BNC2: variants seen among roughly 807,000 people sequenced by gnomAD.
BNC2 encodes the protein basonuclin zinc finger protein 2.
Under a neutral mutation model 76.3 loss-of-function variants are expected in BNC2, and 20 were observed. The ratio of observed to expected loss-of-function variants is 0.26; its 90% confidence interval spans 0.18 to 0.38. BNC2 has a LOEUF of 0.38. BNC2 is among the 10% of genes least tolerant of loss of function. The pLI, the probability that BNC2 is intolerant of heterozygous loss-of-function variation, is 1.00. For missense variants in BNC2, 1,382 were observed against 1,399.8 expected (o/e 0.99, Z 0.20); for synonymous variants, 582 against 514.8 (o/e 1.13, Z -1.77).
chr9:16,664,295 T>A (rs1416240904), intron 3 of BNC2, among the ~76,000 whole-genome samples: 1 of 152,200 alleles, frequency 6.6e-6, no homozygotes, highest in East Asian at 1.9e-4. Flanking sequence ...CATCTACATA[T>A]TTTGTTGCTC....
At chr9:16,646,113 A>T in intron 3 of BNC2, among the ~76,000 whole-genome samples, 1 of 152,224 alleles carries the variant, frequency 6.6e-6, no homozygotes. Context: ...GAGGATAGCA[A>T]AAGTTTTAAG....
intron 6 of BNC2, chr9:16,434,896 G>A (rs918850732): frequency 2.2e-6 from 1 of 464,046 alleles, no homozygotes; most frequent in South Asian, 1.5e-5. Context: ...TTAAGATAAA[G>A]AAACCCACAC....
chr9:16,729,644 T>C (rs1224390576), intron 2 of BNC2, among the ~76,000 whole-genome samples: 2 of 152,206 alleles, frequency 1.3e-5, no homozygotes, highest in African/African-American at 4.8e-5. Flanking sequence ...AATTGTTGCC[T>C]TAAAATATAT....
At chr9:16,504,150 C>A (rs928356501) in intron 5 of BNC2, among the ~76,000 whole-genome samples, 2 of 151,680 alleles carry the variant, frequency 1.3e-5, no homozygotes, top group African/African-American at 2.4e-5. Context: ...TCCTCATCTG[C>A]GAAATAAGGA....
In BNC2 at chr9:16,538,474, T is replaced by A. The variant is rs567496289; in HGVS notation, c.669+14056A>T. ...CAGAGATCGTCTCGTTCTAAATGAG[T>A]GACTTCACAGGCAGTTTTTCTAAAA... On this transcript the variant is annotated intron_variant, in intron 5 of 6. Coordinates refer to ENST00000380672, the MANE Select transcript of BNC2 (RefSeq NM_017637.6). Among the ~76,000 whole-genome samples, 50 of 152,258 alleles carry A rather than the reference T, an allele frequency of 3.3e-4. 1 individual carries two copies. In the Middle Eastern group the frequency reaches 0.017, roughly 52 times the overall value.
At chr9:16,486,288 T>C (rs1411042050) in intron 5 of BNC2, among the ~76,000 whole-genome samples, 1 of 152,242 alleles carries the variant, frequency 6.6e-6, no homozygotes, top group Non-Finnish European at 1.5e-5. Context: ...TATTAAATTC[T>C]GGTCATTTCT....
At chr9:16,687,996 C>T (rs1006496109) in intron 3 of BNC2, among the ~76,000 whole-genome samples, 2 of 152,100 alleles carry the variant, frequency 1.3e-5, no homozygotes, top group Non-Finnish European at 2.9e-5. Context: ...GAAGTGGGTA[C>T]ATTTTCAAAC....
intron 1 of BNC2, among the ~76,000 whole-genome samples, chr9:16,754,718 C>T (rs1825329694): frequency 6.6e-6 from 1 of 152,102 alleles, no homozygotes; most frequent in Non-Finnish European, 1.5e-5. Context: ...CCACCATGCC[C>T]AGCTAATATT....
chr9:16,852,599 G>T (rs1819154047), intron 1 of BNC2, among the ~76,000 whole-genome samples: 1 of 152,124 alleles, frequency 6.6e-6, no homozygotes, highest in Admixed American at 6.5e-5. Context: ...ATGGTGGTGG[G>T]AAGATAAACT....
intron 1 of BNC2, among the ~76,000 whole-genome samples, chr9:16,799,569 C>A (rs1817733816): frequency 6.6e-6 from 1 of 152,214 alleles, no homozygotes. Flanking sequence ...CCCACCTTGG[C>A]ATCAGAAAGC....
At position 16,418,954 on chromosome 9, in the gene BNC2, G is replaced by T; in HGVS notation, c.*35C>A. On this transcript the variant is annotated 3_prime_UTR_variant, in exon 7 of 7. Coordinates refer to ENST00000380672, the MANE Select transcript of BNC2 (RefSeq NM_017637.6). Reference sequence around the variant, plus strand: ...GGCAGTTCAAACACGTAGGCCATCTGGTGAGAGCTGGCATTTGTAGTGTCC... The same window carrying T: ...GGCAGTTCAAACACGTAGGCCATCTTGTGAGAGCTGGCATTTGTAGTGTCC... 6.2e-7 allele frequency: 1 copy of T among 1,608,424 alleles called. No individual in the cohort carries two copies. The highest frequency in any genetic ancestry group is 1.7e-5 in the Admixed American group (1 of 59,986).
At chr9:16,821,035 C>G (rs1049153053) in intron 1 of BNC2, among the ~76,000 whole-genome samples, 3 of 151,888 alleles carry the variant, frequency 2.0e-5, no homozygotes, top group Non-Finnish European at 4.4e-5. Context: ...GAATTCGAGA[C>G]CAGCCTGGCC....
At chr9:16,723,564 C>T (rs147430428) in intron 3 of BNC2, among the ~76,000 whole-genome samples, 1 of 151,652 alleles carries the variant, frequency 6.6e-6, no homozygotes, top group East Asian at 1.9e-4. Flanking sequence ...GATTGTTGGC[C>T]TATATGAATA....
At chr9:16,555,414 TC>T (rs1818798015) in intron 4 of BNC2, among the ~76,000 whole-genome samples, 1 of 152,102 alleles carries the variant, frequency 6.6e-6, no homozygotes, top group African/African-American at 2.4e-5. Flanking sequence ...CAAAAATATT[TC>T]CCTAGATATG....
intron 1 of BNC2, among the ~76,000 whole-genome samples, chr9:16,744,431 T>G (rs1180794903): frequency 6.6e-6 from 1 of 152,194 alleles, no homozygotes; most frequent in African/African-American, 2.4e-5. Flanking sequence ...AGAAGACTGG[T>G]TTCTTGTATT....
At chr9:16,609,945 T>G (rs1245544785) in intron 3 of BNC2, among the ~76,000 whole-genome samples, 3 of 152,180 alleles carry the variant, frequency 2.0e-5, no homozygotes, top group Non-Finnish European at 4.4e-5. Flanking sequence ...TTGCTCTTAT[T>G]CTTCTCTGCC....
chr9:16,740,396 G>A (rs1206371602), intron 1 of BNC2, among the ~76,000 whole-genome samples: 1 of 152,172 alleles, frequency 6.6e-6, no homozygotes. Context: ...AGATGTGTTT[G>A]TACATTATTA....
At chr9:16,648,105 A>G (rs1821687250) in intron 3 of BNC2, among the ~76,000 whole-genome samples, 1 of 152,170 alleles carries the variant, frequency 6.6e-6, no homozygotes, top group Admixed American at 6.6e-5. Flanking sequence ...AAAAAGACAT[A>G]TGAAGTTTCT....
intron 5 of BNC2, among the ~76,000 whole-genome samples, chr9:16,531,789 G>C (rs187847885): frequency 1.3e-5 from 2 of 152,038 alleles, no homozygotes; most frequent in East Asian, 3.9e-4. Flanking sequence ...AATTTATCTA[G>C]AGATCTCCTG....
Sources: allele counts gnomAD v4.1 joint callset (sites outside exome capture counted in the v4.1 genomes callset), GRCh38; gene constraint gnomAD v4.1.1; transcripts MANE v1.5; gene names NCBI Gene and HGNC (gene_info 2026-07-23, HGNC 2026-07-21).